ATG10: variants seen among roughly 807,000 people sequenced by gnomAD.
The protein encoded by ATG10 is autophagy related 10.
In ATG10, 30 loss-of-function variants were observed where a neutral mutation model predicts 32.1. The ratio of observed to expected loss-of-function variants is 0.94; its 90% confidence interval spans 0.70 to 1.27. The LOEUF is 1.27. ATG10 is among the 50% of genes most tolerant of loss of function. The pLI is 0.00. For synonymous variants in ATG10, 87 were observed against 91.5 expected, an observed-to-expected ratio of 0.95 and a Z score of 0.28; for missense variants, 233 against 262.3, an observed-to-expected ratio of 0.89 and a Z score of 0.77.
At chr5:82,139,425 C>T (rs1766941560) in intron 3 of ATG10, among the ~76,000 whole-genome samples, 2 of 144,726 alleles carry the variant, frequency 1.4e-5, no homozygotes, top group South Asian at 4.6e-4. Context: ...GCCATCACAT[C>T]TAGGAAGTGA....
intron 3 of ATG10, among the ~76,000 whole-genome samples, chr5:82,138,558 T>C (rs151242173): frequency 8.1e-4 from 124 of 152,250 alleles, no homozygotes; most frequent in Non-Finnish European, 1.5e-3. Flanking sequence ...GCACCCACTC[T>C]CTAACGAGTC....
At chr5:82,189,042 C>T (rs1036086963) in intron 5 of ATG10, among the ~76,000 whole-genome samples, 5 of 152,094 alleles carry the variant, frequency 3.3e-5, no homozygotes, top group African/African-American at 1.2e-4. Flanking sequence ...GTAGTTGTGC[C>T]AGTTACATTT....
At chr5:82,221,367 A>C (rs1039714208) in intron 5 of ATG10, among the ~76,000 whole-genome samples, 4 of 152,352 alleles carry the variant, frequency 2.6e-5, no homozygotes, top group Admixed American at 6.5e-5. Context: ...TAACCTCTTC[A>C]TAACATTTAT....
In ATG10 at chr5:82,255,502, A is replaced by G. The variant is rs1359614990; in HGVS notation, c.*1439A>G. ...GAGAGTCTAGATTAGTGTGTCTTTG[A>G]ATGAGGGATATACTTAAAATCACCT... On this transcript the variant is annotated 3_prime_UTR_variant, in exon 8 of 8. Transcript: ENST00000282185. 2.6e-5 allele frequency: 4 copies of G among 152,114 alleles called. No homozygotes were observed. Among genetic ancestry groups the G allele is most frequent in the African/African-American group, 7.2e-5 (3 of 41,406 alleles). The allele number at this position is 152,114 out of a possible 1,614,324, so 9.4% of individuals were successfully genotyped here.
chr5:82,001,047 GT>G (rs1761833463), intron 2 of ATG10, among the ~76,000 whole-genome samples: 1 of 152,146 alleles, frequency 6.6e-6, no homozygotes, highest in South Asian at 2.1e-4. Flanking sequence ...ACAAAAAAGA[GT>G]AAAATACCTA....
intron 2 of ATG10, among the ~76,000 whole-genome samples, chr5:82,028,073 A>T (rs1302778491): frequency 6.6e-6 from 1 of 152,230 alleles, no homozygotes; most frequent in Non-Finnish European, 1.5e-5. Flanking sequence ...GTCTCAAACA[A>T]GGATAGAAGC....
intron 3 of ATG10, among the ~76,000 whole-genome samples, chr5:82,084,872 A>C (rs1288914367): frequency 6.6e-6 from 1 of 152,244 alleles, no homozygotes; most frequent in Non-Finnish European, 1.5e-5. Context: ...AGCCACTGCC[A>C]AAACATGCCA....
At chr5:82,063,711 C>T (rs1280653301) in intron 3 of ATG10, among the ~76,000 whole-genome samples, 6 of 152,008 alleles carry the variant, frequency 3.9e-5, no homozygotes, top group Non-Finnish European at 7.4e-5. Context: ...AGGCTGGTCT[C>T]GAACTCCTGA....
intron 2 of ATG10, among the ~76,000 whole-genome samples, chr5:82,012,061 A>G (rs997759295): frequency 6.6e-6 from 1 of 152,162 alleles, no homozygotes; most frequent in Admixed American, 6.5e-5. Flanking sequence ...GCTTCAGATC[A>G]GTTGAGCCTC....
At chr5:82,194,883 T>C (rs555893734) in intron 5 of ATG10, among the ~76,000 whole-genome samples, 1 of 152,282 alleles carries the variant, frequency 6.6e-6, no homozygotes, top group East Asian at 1.9e-4. Flanking sequence ...GGAGCTTAAG[T>C]TTCCATCGCT....
At chr5:82,101,619 C>T (rs1328560536) in intron 3 of ATG10, among the ~76,000 whole-genome samples, 1 of 152,162 alleles carries the variant, frequency 6.6e-6, no homozygotes, top group African/African-American at 2.4e-5. Context: ...AAAAGAGTTA[C>T]ATTTTACTAA....
intron 3 of ATG10, among the ~76,000 whole-genome samples, chr5:82,145,061 CT>C (rs1418622135): frequency 6.6e-6 from 1 of 152,068 alleles, no homozygotes; most frequent in African/African-American, 2.4e-5. Flanking sequence ...CAGTAATACT[CT>C]TAATCTTAGT....
chr5:82,058,493 A>G lies in ATG10; in HGVS notation c.109-2A>G, dbSNP rs1368491681. The stretch of plus-strand genomic sequence containing the variant: ...TATATATTTTTTGGTGATGAAACAC[A>G]GGACTGTTCTGATGGCTACATGTGC... On this transcript the variant is annotated splice_acceptor_variant, in intron 2 of 7. Coordinates refer to ENST00000282185, the MANE Select transcript of ATG10 (RefSeq NM_031482.5). LOFTEE classifies it high-confidence loss of function. 2 of 1,605,898 alleles carry G rather than the reference A, an allele frequency of 1.2e-6. No individual in the cohort carries two copies. The highest frequency in any genetic ancestry group is 2.2e-5 in the East Asian group (1 of 44,776).
chr5:82,043,635 G>A (rs1763152377), intron 2 of ATG10, among the ~76,000 whole-genome samples: 1 of 152,106 alleles, frequency 6.6e-6, no homozygotes, highest in African/African-American at 2.4e-5. Context: ...ATGCATATGA[G>A]CATAGAATTT....
At chr5:82,058,819 G>T (rs78103836) in intron 3 of ATG10, among the ~76,000 whole-genome samples, 1 of 152,204 alleles carries the variant, frequency 6.6e-6, no homozygotes, top group East Asian at 1.9e-4. Context: ...TGGATCCTGG[G>T]CCTGTTGTAG....
intron 3 of ATG10, among the ~76,000 whole-genome samples, chr5:82,139,266 C>A (rs1014572509): frequency 6.7e-6 from 1 of 149,410 alleles, no homozygotes; most frequent in Non-Finnish European, 1.5e-5. Context: ...GCCACCACCC[C>A]GTCTGGGAAG....
intron 5 of ATG10, among the ~76,000 whole-genome samples, chr5:82,200,054 T>C (rs1282882768): frequency 1.3e-5 from 2 of 152,252 alleles, no homozygotes. Flanking sequence ...ACCTTTGGGC[T>C]GATTCCAGTT....
chr5:81,985,284 A>G (rs576832460), intron 1 of ATG10, among the ~76,000 whole-genome samples: 1 of 152,318 alleles, frequency 6.6e-6, no homozygotes, highest in South Asian at 2.1e-4. Context: ...AGTATATGTC[A>G]GGATCATCAT....
chr5:82,205,987 A>G (rs1197464225), intron 5 of ATG10, among the ~76,000 whole-genome samples: 2 of 152,238 alleles, frequency 1.3e-5, no homozygotes, highest in African/African-American at 4.8e-5. Context: ...AAAGGGGACT[A>G]GAGATCCCTA....
Sources: allele counts gnomAD v4.1 joint callset (sites outside exome capture counted in the v4.1 genomes callset), GRCh38; gene constraint gnomAD v4.1.1; transcripts MANE v1.5; gene names NCBI Gene and HGNC (gene_info 2026-07-23, HGNC 2026-07-21).